Variants in PHACTR4 observed in about 807,000 individuals in gnomAD.
The protein encoded by PHACTR4 is phosphatase and actin regulator 4.
Under a neutral mutation model 72.7 loss-of-function variants are expected in PHACTR4, and 51 were observed. The ratio of observed to expected loss-of-function variants is 0.70; its 90% confidence interval spans 0.56 to 0.89. PHACTR4 has a LOEUF of 0.89. Ranked by LOEUF, PHACTR4 falls within the 40% of genes least tolerant of loss-of-function variation. The probability of loss-of-function intolerance (pLI) is 0.00; values close to 1 mark genes in which losing one functional copy is unlikely to be tolerated. For missense variants in PHACTR4, 731 were observed against 861.8 expected, an observed-to-expected ratio of 0.85 and a Z score of 1.90; for synonymous variants, 255 against 302.5, an observed-to-expected ratio of 0.84 and a Z score of 1.63.
intron 1 of PHACTR4, among the ~76,000 whole-genome samples, chr1:28,375,993 C>G (rs1338680101): frequency 6.6e-6 from 1 of 151,880 alleles, no homozygotes; most frequent in Non-Finnish European, 1.5e-5. Flanking sequence ...GGCTTGAACT[C>G]GGGAGGCGGA....
intron 2 of PHACTR4, among the ~76,000 whole-genome samples, chr1:28,445,297 C>G (rs1162488929): frequency 6.6e-6 from 1 of 152,100 alleles, no homozygotes; most frequent in Non-Finnish European, 1.5e-5. Flanking sequence ...CTATGTTGCC[C>G]AGGCTGGTCT....
intron 1 of PHACTR4, among the ~76,000 whole-genome samples, chr1:28,379,236 T>A (rs1569741216): frequency 6.6e-6 from 1 of 151,864 alleles, no homozygotes; most frequent in Non-Finnish European, 1.5e-5. Flanking sequence ...ATTACACGCA[T>A]GAGCCACCAT....
intron 9 of PHACTR4, among the ~76,000 whole-genome samples, chr1:28,485,245 A>G (rs138891696): frequency 6.6e-6 from 1 of 152,308 alleles, no homozygotes; most frequent in Non-Finnish European, 1.5e-5. Flanking sequence ...AGTTTTAGTT[A>G]TGCATGATGA....
intron 4 of PHACTR4, among the ~76,000 whole-genome samples, chr1:28,462,774 C>G (rs1276159829): frequency 1.3e-5 from 2 of 152,230 alleles, no homozygotes; most frequent in Non-Finnish European, 2.9e-5. Context: ...AGATGCCATT[C>G]TGCCAACCAG....
chr1:28,436,416 T>C (rs983099567), intron 2 of PHACTR4, among the ~76,000 whole-genome samples: 13 of 152,124 alleles, frequency 8.5e-5, no homozygotes, highest in African/African-American at 2.9e-4. Flanking sequence ...CTGTCTTTTA[T>C]TGAAGGAATA....
intron 2 of PHACTR4, chr1:28,433,086 A>G: frequency 1.0e-6 from 1 of 985,310 alleles, no homozygotes. Context: ...GAAGAGAATC[A>G]CAAATTTTAA....
chr1:28,423,512 G>A lies in PHACTR4; in HGVS notation c.16+16049G>A, dbSNP rs573539099. On this transcript the variant is annotated intron_variant, in intron 2 of 13. Coordinates refer to ENST00000373839, the MANE Select transcript of PHACTR4 (RefSeq NM_001048183.3). ...ATTGCTAATAATAATGCTCCATGTA[G>A]CATAAGTATGGTTAAAAGGTTATAT... Among the ~76,000 whole-genome samples, 162 of 152,198 alleles carry A rather than the reference G, an allele frequency of 1.1e-3. 1 individual carries two copies. The highest frequency in any genetic ancestry group is 3.4e-3 in the African/African-American group (143 of 41,528).
rs1197069007 is a variant in PHACTR4, at chr1:28,418,308, C to CAA, written c.16+10856_16+10857dup. ...CGAAAGCCTGACTCTACTAAAAATA[C>CAA]AAAAAAAAAAAATAATAATAATAAT... On this transcript the variant is annotated intron_variant, in intron 2 of 13. Transcript: ENST00000373839. Among the ~76,000 whole-genome samples, 3 of 130,038 alleles carry CAA rather than the reference C, an allele frequency of 2.3e-5. 1 individual carries two copies. Among genetic ancestry groups the CAA allele is most frequent in the Non-Finnish European group, 3.3e-5 (2 of 61,108 alleles). The allele number at this position is 130,038 out of a possible 152,430, so 85.3% of individuals were successfully genotyped here.
At chr1:28,397,584 G>C (rs909042279) in intron 1 of PHACTR4, among the ~76,000 whole-genome samples, 11 of 151,998 alleles carry the variant, frequency 7.2e-5, no homozygotes, top group African/African-American at 2.2e-4. Context: ...CATTCTTGAC[G>C]GTTTCCATCT....
At chr1:28,373,511 A>T (rs1651408976) in intron 1 of PHACTR4, among the ~76,000 whole-genome samples, 1 of 152,144 alleles carries the variant, frequency 6.6e-6, no homozygotes, top group African/African-American at 2.4e-5. Flanking sequence ...ACTGGTCTTG[A>T]ACTCCTGACC....
chr1:28,397,476 G>A (rs535067835), intron 1 of PHACTR4, among the ~76,000 whole-genome samples: 29 of 152,254 alleles, frequency 1.9e-4, no homozygotes, highest in African/African-American at 7.0e-4. Flanking sequence ...TGCCTGGCTT[G>A]TTAAGCTTTC....
chr1:28,391,820 T>C (rs1435336188), intron 1 of PHACTR4, among the ~76,000 whole-genome samples: 1 of 151,958 alleles, frequency 6.6e-6, no homozygotes, highest in Non-Finnish European at 1.5e-5. Flanking sequence ...TTGGTCAGGC[T>C]GATCTCAAAC....
chr1:28,469,573 GT>G (rs1421816374), intron 6 of PHACTR4, among the ~76,000 whole-genome samples: 1 of 152,096 alleles, frequency 6.6e-6, no homozygotes, highest in Non-Finnish European at 1.5e-5. Flanking sequence ...TAATTCAAAA[GT>G]AAAAATATTC....
chr1:28,382,383 A>C (rs1250422124), intron 1 of PHACTR4, among the ~76,000 whole-genome samples: 1 of 151,714 alleles, frequency 6.6e-6, no homozygotes, highest in Non-Finnish European at 1.5e-5. Flanking sequence ...GGCTCACTGC[A>C]AGCTCCGGCT....
intron 8 of PHACTR4, among the ~76,000 whole-genome samples, chr1:28,477,829 G>A (rs1660019211): frequency 6.6e-6 from 1 of 152,002 alleles, no homozygotes; most frequent in Non-Finnish European, 1.5e-5. Context: ...TGAGAACACA[G>A]GTGTGAGCCA....
chr1:28,467,409 GTGTGTGTGTA>G (rs1357489063), intron 6 of PHACTR4, among the ~76,000 whole-genome samples: 1 of 138,556 alleles, frequency 7.2e-6, no homozygotes. Flanking sequence ...GTGTGTGTGT[GTGTGTGTGTA>G]ATTGGACTGG....
At chr1:28,455,198 C>CTTTTTTT (rs139479738) in intron 2 of PHACTR4, among the ~76,000 whole-genome samples, 2 of 85,974 alleles carry the variant, frequency 2.3e-5, no homozygotes, top group East Asian at 2.6e-4. Context: ...TTCTTTCTTT[C>CTTTTTTT]TTTTTTTTTT....
chr1:28,370,167 C>A (rs6703997), intron 1 of PHACTR4, among the ~76,000 whole-genome samples: 1 of 151,790 alleles, frequency 6.6e-6, no homozygotes, highest in Non-Finnish European at 1.5e-5. Flanking sequence ...AGCCTGTTCC[C>A]CCGGTCCCCA....
At chr1:28,423,389 A>G (rs1419525305) in intron 2 of PHACTR4, among the ~76,000 whole-genome samples, 1 of 151,516 alleles carries the variant, frequency 6.6e-6, no homozygotes, top group African/African-American at 2.4e-5. Flanking sequence ...AGCCTGGGCA[A>G]CAGAGCAAGA....
Sources: gnomAD v4.1 joint callset for allele counts (sites outside exome capture counted in the v4.1 genomes callset) on GRCh38, gnomAD v4.1.1 for gene constraint, MANE v1.5 for transcripts, NCBI Gene and HGNC (gene_info 2026-07-23, HGNC 2026-07-21) for gene names.